Variants in HDAC9 observed in about 807,000 individuals in gnomAD.
The protein encoded by HDAC9 is histone deacetylase 9, also known as MEF-2 interacting transcription repressor (MITR) protein.
A neutral mutation model predicts 139.4 loss-of-function variants in HDAC9; 41 were observed. That is an observed-to-expected ratio of 0.29 (90% CI 0.23 to 0.38). HDAC9 has a LOEUF of 0.38. HDAC9 is among the 10% of genes least tolerant of loss of function. The probability of loss-of-function intolerance (pLI) is 1.00; values close to 1 mark genes in which losing one functional copy is unlikely to be tolerated. For synonymous variants in HDAC9, 517 were observed against 476.2 expected, an observed-to-expected ratio of 1.09 and a Z score of -1.12; for missense variants, 1,147 against 1,297.0, an observed-to-expected ratio of 0.88 and a Z score of 1.78.
At chr7:18,970,040 CA>C (rs1175882377) in intron 24 of HDAC9, among the ~76,000 whole-genome samples, 1 of 152,164 alleles carries the variant, frequency 6.6e-6, no homozygotes, top group African/African-American at 2.4e-5. Flanking sequence ...GACTATTTCT[CA>C]ATGAAAAATA....
At chr7:18,527,100 A>G (rs1189663416) in intron 2 of HDAC9, among the ~76,000 whole-genome samples, 1 of 152,172 alleles carries the variant, frequency 6.6e-6, no homozygotes, top group East Asian at 1.9e-4. Context: ...TTTAATAATG[A>G]AAGATCATTT....
intron 1 of HDAC9, among the ~76,000 whole-genome samples, chr7:18,479,783 T>G (rs1000110894): frequency 1.3e-5 from 2 of 152,064 alleles, no homozygotes; most frequent in African/African-American, 4.8e-5. Context: ...AGTTTAACTA[T>G]CGCTCAAGAC....
chr7:18,096,233 C>G (rs574103634), intron 1 of HDAC9, among the ~76,000 whole-genome samples: 1 of 152,256 alleles, frequency 6.6e-6, no homozygotes, highest in South Asian at 2.1e-4. Context: ...TGATTATAAC[C>G]TCTATAGTAC....
chr7:18,597,238 C>G (rs148820617), intron 6 of HDAC9, among the ~76,000 whole-genome samples: 19 of 152,238 alleles, frequency 1.2e-4, no homozygotes, highest in African/African-American at 4.3e-4. Flanking sequence ...CCTCCTTTCA[C>G]AACAACATCA....
intron 22 of HDAC9, among the ~76,000 whole-genome samples, chr7:18,881,887 C>T (rs1014187986): frequency 1.3e-5 from 2 of 152,072 alleles, no homozygotes; most frequent in Non-Finnish European, 2.9e-5. Flanking sequence ...GTCACCTACC[C>T]ACCAGGTACC....
intron 1 of HDAC9, among the ~76,000 whole-genome samples, chr7:18,361,541 A>G (rs1253316202): frequency 2.0e-5 from 3 of 152,148 alleles, no homozygotes; most frequent in Non-Finnish European, 4.4e-5. Context: ...TATTCTGTAT[A>G]TTTGGTAAAT....
At chr7:18,906,175 A>G (rs1439527187) in intron 22 of HDAC9, among the ~76,000 whole-genome samples, 1 of 149,124 alleles carries the variant, frequency 6.7e-6, no homozygotes, top group African/African-American at 2.5e-5. Flanking sequence ...GTCTCACTCT[A>G]TCTCCCAGGC....
At chr7:18,139,092 G>T (rs1032176642) in intron 1 of HDAC9, among the ~76,000 whole-genome samples, 3 of 147,516 alleles carry the variant, frequency 2.0e-5, no homozygotes, top group Non-Finnish European at 4.5e-5. Context: ...ATTTTATTGG[G>T]TATCACCATC....
intron 1 of HDAC9, among the ~76,000 whole-genome samples, chr7:18,422,594 A>T (rs1317190078): frequency 1.3e-5 from 2 of 152,118 alleles, no homozygotes; most frequent in East Asian, 1.9e-4. Flanking sequence ...TCTTCAAAGG[A>T]GGGGGAAGCC....
At chr7:18,443,304 T>C (rs542290751) in intron 1 of HDAC9, among the ~76,000 whole-genome samples, 1 of 152,278 alleles carries the variant, frequency 6.6e-6, no homozygotes, top group East Asian at 1.9e-4. Flanking sequence ...GGGAAAATTA[T>C]CTAGTGATTA....
chr7:18,338,002 G>A (rs574723364), intron 1 of HDAC9, among the ~76,000 whole-genome samples: 1 of 151,778 alleles, frequency 6.6e-6, no homozygotes, highest in Non-Finnish European at 1.5e-5. Context: ...AAAATGCTTT[G>A]AAAAGTATAG....
At chr7:18,601,866 G>T (rs1192605942) in intron 6 of HDAC9, among the ~76,000 whole-genome samples, 2 of 152,094 alleles carry the variant, frequency 1.3e-5, no homozygotes, top group Non-Finnish European at 2.9e-5. Flanking sequence ...GATTTGATTT[G>T]CTAGTATTTT....
At chr7:18,438,847 A>G (rs1300806298) in intron 1 of HDAC9, among the ~76,000 whole-genome samples, 1 of 152,116 alleles carries the variant, frequency 6.6e-6, no homozygotes, top group African/African-American at 2.4e-5. Flanking sequence ...ATTTTATGGG[A>G]CTAAACTTTT....
At chr7:18,791,583 C>G (rs1015301561) in intron 16 of HDAC9, among the ~76,000 whole-genome samples, 1 of 152,224 alleles carries the variant, frequency 6.6e-6, no homozygotes, top group East Asian at 1.9e-4. Context: ...TTCCTTCACT[C>G]TTTAGCTGAC....
upstream of HDAC9, among the ~76,000 whole-genome samples, chr7:18,286,825 A>AT (rs891067027): frequency 2.1e-4 from 32 of 152,090 alleles, no homozygotes; most frequent in Non-Finnish European, 2.1e-4. Context: ...AGGAAAGTTT[A>AT]TTTTTTACCA....
chr7:18,546,710 G>C (rs1814967240), intron 2 of HDAC9, among the ~76,000 whole-genome samples: 1 of 152,190 alleles, frequency 6.6e-6, no homozygotes, highest in Non-Finnish European at 1.5e-5. Context: ...ATCAACAAAT[G>C]TAAATATATT....
intron 2 of HDAC9, among the ~76,000 whole-genome samples, chr7:18,247,160 C>T (rs1023878257): frequency 6.6e-6 from 1 of 151,740 alleles, no homozygotes; most frequent in Non-Finnish European, 1.5e-5. Context: ...ATATGTCTGT[C>T]TGGAGTTCTA....
chr7:18,732,932 T>TGTGTACACACACGTGTGTGC (rs1491365782), intron 13 of HDAC9, among the ~76,000 whole-genome samples: 1 of 93,396 alleles, frequency 1.1e-5, no homozygotes, highest in Admixed American at 9.8e-5. Context: ...CACGTGTGTA[T>TGTGTACACACACGTGTGTGC]GTATGTGTAT....
At chr7:18,962,990 C>T (rs1256920608) in intron 24 of HDAC9, among the ~76,000 whole-genome samples, 1 of 152,150 alleles carries the variant, frequency 6.6e-6, no homozygotes, top group Non-Finnish European at 1.5e-5. Flanking sequence ...ATATGACCTT[C>T]CTGTTCCCAC....
Sources: gnomAD v4.1 joint callset for allele counts (sites outside exome capture counted in the v4.1 genomes callset) on GRCh38, gnomAD v4.1.1 for gene constraint, MANE v1.5 for transcripts, NCBI Gene and HGNC (gene_info 2026-07-23, HGNC 2026-07-21) for gene names.